PSTPIP1: variants seen among roughly 807,000 people sequenced by gnomAD.
The protein encoded by PSTPIP1 is proline-serine-threonine phosphatase-interacting protein 1.
Under a neutral mutation model 69.6 loss-of-function variants are expected in PSTPIP1, and 66 were observed. The ratio of observed to expected loss-of-function variants is 0.95; its 90% CI spans 0.78 to 1.16. The LOEUF (loss-of-function observed/expected upper bound fraction) is 1.16. Ranked by LOEUF, PSTPIP1 falls within the 50% of genes most tolerant of loss-of-function variation. PSTPIP1 has a pLI of 0.00. For synonymous variants in PSTPIP1, 266 were observed against 222.7 expected, an observed-to-expected ratio of 1.19 and a Z score of -1.73; for missense variants, 603 against 557.4, an observed-to-expected ratio of 1.08 and a Z score of -0.82.
chr15:77,004,294 C>T (rs1403294182), intron 1 of PSTPIP1, among the ~76,000 whole-genome samples: 1 of 152,234 alleles, frequency 6.6e-6, no homozygotes, highest in African/African-American at 2.4e-5. Flanking sequence ...GGTGATGGAA[C>T]AGGCAGGAGA....
At chr15:77,015,917 C>T (rs2076040699) in intron 1 of PSTPIP1, 1 of 455,904 alleles carries the variant, frequency 2.2e-6, no homozygotes, top group South Asian at 1.5e-5. Flanking sequence ...CTGGAGCCTG[C>T]AGCCTCTGGG....
intron 1 of PSTPIP1, among the ~76,000 whole-genome samples, chr15:77,002,565 G>T (rs769495757): frequency 6.6e-6 from 1 of 152,178 alleles, no homozygotes; most frequent in African/African-American, 2.4e-5. Context: ...TTTGTGGTAC[G>T]TGGGCCTCTG....
chr15:77,034,156 A>C (rs912862108), intron 12 of PSTPIP1, among the ~76,000 whole-genome samples: 5 of 151,918 alleles, frequency 3.3e-5, no homozygotes, highest in Non-Finnish European at 7.4e-5. Flanking sequence ...GGCGGGGGTC[A>C]GTGACTGGGA....
Position 77,027,642 on chromosome 15 carries a change from C to G in PSTPIP1, c.355-210C>G, listed in dbSNP as rs143704507. On this transcript the variant is annotated intron_variant, in intron 5 of 14. Coordinates refer to ENST00000558012, the MANE Select transcript of PSTPIP1 (RefSeq NM_003978.5). This position sits in a 1 kb window ranked among gnomAD's most constrained non-coding sequence, Gnocchi z 4.3. The stretch of plus-strand genomic sequence containing the variant: ...GCCAAGGTCTGCAGCAAGGACCTCA[C>G]GGCACACCCATGCCCTGTGATTCTC... 98 of 627,568 alleles carry G rather than the reference C, an allele frequency of 1.6e-4. No homozygotes were observed. The East Asian group carries it at 2.3e-3, about 14-fold the overall frequency. 38.9% of individuals were successfully genotyped at this position (627,568 alleles called of 1,614,324 possible).
rs1283948312 is a variant in PSTPIP1 at position 77,031,276 on chromosome 15, G to A, written c.739G>A (p.Glu247Lys). ...CTCCATGCAGTGTGTCAAGGATGAT[G>A]AGGTGGGGGCTGAGGGCCTTGGTGT... ...QLSMQCVKDD[E>K]LYEEVRLTLE... Residue 247 changes from glutamate to lysine, a missense_variant and splice_region_variant, in exon 10 of 15, where the codon GAG (glutamate) becomes AAG (lysine). Coordinates refer to ENST00000558012, the MANE Select transcript of PSTPIP1 (RefSeq NM_003978.5). The A allele has an allele frequency of 2.5e-6, 4 of 1,612,488 alleles. No individual in the cohort carries two copies. The highest frequency in any genetic ancestry group is 1.7e-5 in the Admixed American group (1 of 59,990).
chr15:76,995,581 C>T lies in PSTPIP1; in HGVS notation c.8C>T (p.Pro3Leu). The stretch of plus-strand genomic sequence containing the variant: ...CGCGGCAGACGCCTGAGGATGATGC[C>T]CCAGCTGCAGTTCAAAGATGCCTTT... The part of the protein sequence containing the change: MM[P>L]QLQFKDAFWC... Residue 3 changes from proline to leucine, a missense_variant, in exon 1 of 15, where the codon CCC becomes CTC. Coordinates refer to ENST00000558012, the MANE Select transcript of PSTPIP1 (RefSeq NM_003978.5). The T allele has an allele frequency of 6.2e-7, 1 of 1,613,776 alleles. No homozygotes were observed. The highest frequency in any genetic ancestry group is 8.5e-7 in the Non-Finnish European group (1 of 1,179,884).
intron 1 of PSTPIP1, among the ~76,000 whole-genome samples, chr15:77,017,345 G>T (rs2076071466): frequency 6.6e-6 from 1 of 152,184 alleles, no homozygotes; most frequent in South Asian, 2.1e-4. Context: ...AGGAGAATTG[G>T]GTTGGCCAGG....
intron 6 of PSTPIP1, 170 bp from the exon 7 acceptor site, chr15:77,028,384 C>T: frequency 1.7e-6 from 1 of 576,368 alleles, no homozygotes; most frequent in Non-Finnish European, 3.1e-6. Flanking sequence ...GCCCCCACGC[C>T]TTCTCTATCT....
intron 12 of PSTPIP1, among the ~76,000 whole-genome samples, chr15:77,034,339 C>T (rs1160157549): frequency 6.6e-6 from 1 of 152,150 alleles, no homozygotes; most frequent in Non-Finnish European, 1.5e-5. Flanking sequence ...TGTGTCTGCC[C>T]GCCTGTGTTG....
At chr15:76,996,316 C>T (rs72742444) in intron 1 of PSTPIP1, among the ~76,000 whole-genome samples, 27,437 of 152,256 alleles carry the variant, frequency 0.18, 3,071 homozygotes, top group Middle Eastern at 0.31. Context: ...TGGCTTGGCC[C>T]GGGCCACGTA....
chr15:77,017,256 T>C (rs1447764747), intron 1 of PSTPIP1, among the ~76,000 whole-genome samples: 1 of 152,046 alleles, frequency 6.6e-6, no homozygotes, highest in Admixed American at 6.6e-5. Flanking sequence ...AAAGACTACC[T>C]CCCTCCCCCA....
intron 12 of PSTPIP1, among the ~76,000 whole-genome samples, chr15:77,034,024 C>T (rs1410081997): frequency 6.6e-6 from 1 of 152,022 alleles, no homozygotes; most frequent in Non-Finnish European, 1.5e-5. Flanking sequence ...AAAGGAGTGG[C>T]CCCAGAGAGG....
rs566721845 is a variant in PSTPIP1 at position 77,036,393 on chromosome 15, T to C, written c.1119+458T>C. Reference sequence around the variant, plus strand: ...GGGCCCTGTCCTTCGTGGCCATGGGTGTGGAAAACTGTGGCCAGAATGAGT... The same window carrying C: ...GGGCCCTGTCCTTCGTGGCCATGGGCGTGGAAAACTGTGGCCAGAATGAGT... On this transcript the variant is annotated intron_variant, in intron 14 of 14. Transcript: ENST00000558012. 2.6e-5 allele frequency among the ~76,000 whole-genome samples: 4 copies of C among 152,138 alleles called. No homozygotes were observed. In the South Asian group the frequency reaches 8.3e-4, roughly 32 times the overall value.
rs781039621 is a variant in PSTPIP1 at position 77,026,130 on chromosome 15, G to A, written c.354+526G>A. 3.1e-5 allele frequency: 14 copies of A among 456,008 alleles called. No individual in the cohort carries two copies. In the East Asian group the frequency reaches 6.9e-4, roughly 23 times the overall value. The allele number at this position is 456,008 out of a possible 1,614,324, so 28.2% of individuals were successfully genotyped here. ...CCCATATGTAGGGCATGGCTGTCCC[G>A]AGACAGAGTGACTGCATGGAAGTGA... is the stretch of plus-strand genomic sequence containing the variant. On this transcript the variant is annotated intron_variant, in intron 5 of 14. Transcript: ENST00000558012.
chr15:76,996,002 A>G (rs1320333551), intron 1 of PSTPIP1, among the ~76,000 whole-genome samples: 1 of 152,172 alleles, frequency 6.6e-6, no homozygotes, highest in African/African-American at 2.4e-5. Context: ...TGGGCAAGTC[A>G]TTTCTGTCTC....
At chr15:77,026,274 G>C in intron 5 of PSTPIP1, 1 of 448,728 alleles carries the variant, frequency 2.2e-6, no homozygotes, top group Non-Finnish European at 4.5e-6. Context: ...TGGCCTGGAG[G>C]CTGGGCTTGG....
chr15:77,030,736 G>C (rs2076394606), intron 9 of PSTPIP1, among the ~76,000 whole-genome samples, 155 bp downstream of exon 9: 1 of 152,226 alleles, frequency 6.6e-6, no homozygotes, highest in African/African-American at 2.4e-5. Context: ...GCCTGTGCTG[G>C]GCCCTGGCCC....
In PSTPIP1 at chr15:77,035,523, G is replaced by A; in HGVS notation, c.945G>A (p.Leu315=). The change falls in exon 13 of 15, where the codon CTG becomes CTA. Residue 315 remains leucine (L), a synonymous_variant. Coordinates refer to ENST00000558012, the MANE Select transcript of PSTPIP1 (RefSeq NM_003978.5). The stretch of plus-strand genomic sequence containing the variant: ...CTGTTCCCAGGTTCTCTGGACTGCT[G>A]CACGGAAGTCCCAAGACCACTTCGT... The part of the protein sequence containing the change: ...CGMIKRFSGL[L]HGSPKTTSLA... 6.3e-7 allele frequency: 1 copy of A among 1,592,404 alleles called. No homozygotes were observed. The highest frequency in any genetic ancestry group is 8.5e-7 in the Non-Finnish European group (1 of 1,169,950).
chr15:77,028,239 C>T (rs915687896), intron 6 of PSTPIP1: 25 of 503,674 alleles, frequency 5.0e-5, no homozygotes, highest in African/African-American at 4.4e-4. Flanking sequence ...GGGAGAGGGG[C>T]TCCTAAGAGG....
Sources: allele counts gnomAD v4.1 joint callset (sites outside exome capture counted in the v4.1 genomes callset), GRCh38; gene constraint gnomAD v4.1.1; non-coding constraint Gnocchi (gnomAD v3.1); transcripts MANE v1.5; gene names NCBI Gene and HGNC (gene_info 2026-07-23, HGNC 2026-07-21).